CDC42EP1: variants seen among roughly 807,000 people sequenced by gnomAD.
The protein encoded by CDC42EP1 is 55 kDa bone marrow stromal/endothelial cell protein.
CDC42EP1 carries 6 observed loss-of-function variants against 7.4 expected under a neutral mutation model. The ratio of observed to expected loss-of-function variants is 0.81; its 90% CI spans 0.44 to 1.60. The LOEUF (loss-of-function observed/expected upper bound fraction) is 1.60. Among genes scored for constraint, CDC42EP1 ranks in the 40% most tolerant of loss-of-function variants. CDC42EP1 has a pLI of 0.01. For missense variants in CDC42EP1, 567 were observed against 539.0 expected (o/e 1.05, Z -0.51); for synonymous variants, 238 against 227.1 (o/e 1.05, Z -0.43).
At chr22:37,564,847 C>T (rs899173413) in intron 1 of CDC42EP1, among the ~76,000 whole-genome samples, 6 of 151,992 alleles carry the variant, frequency 3.9e-5, no homozygotes, top group Admixed American at 1.3e-4. Context: ...GGCGCAATCT[C>T]GGCTCACTGC....
chr22:37,560,990 G>A (rs1314450683), intron 1 of CDC42EP1, among the ~76,000 whole-genome samples: 3 of 150,508 alleles, frequency 2.0e-5, no homozygotes, highest in Admixed American at 6.6e-5. Context: ...CGGAGAGCGG[G>A]AAGTGGGGGG....
chr22:37,561,783 C>T (rs1411432369), intron 1 of CDC42EP1, among the ~76,000 whole-genome samples: 1 of 152,186 alleles, frequency 6.6e-6, no homozygotes, highest in Non-Finnish European at 1.5e-5. Flanking sequence ...GACGTGGGCC[C>T]CTGGCCAGCA....
rs1925378225 is a variant in CDC42EP1 at position 37,568,861 on chromosome 22, G to C, written c.*41G>C. 13 of 1,364,568 alleles carry C rather than the reference G, an allele frequency of 9.5e-6. No individual in the cohort carries two copies. Among genetic ancestry groups the C allele is most frequent in the Non-Finnish European group, 1.1e-5 (11 of 1,034,604 alleles). 84.5% of individuals were successfully genotyped at this position (1,364,568 alleles called of 1,614,324 possible). On this transcript the variant is annotated 3_prime_UTR_variant, in exon 3 of 3. Coordinates refer to ENST00000249014, the MANE Select transcript of CDC42EP1 (RefSeq NM_152243.3). ...TCCCAGGGCCCCACCTAGGTGCAGA[G>C]CCGGCCCCTCACCTAACAGCTGGTT... is the stretch of plus-strand genomic sequence containing the variant.
intron 1 of CDC42EP1, among the ~76,000 whole-genome samples, chr22:37,561,979 G>C (rs934459693): frequency 6.6e-6 from 1 of 152,198 alleles, no homozygotes; most frequent in Non-Finnish European, 1.5e-5. Context: ...CATGTGCCCA[G>C]GCCCTGACTA....
At chr22:37,565,262 A>G (rs924806171) in intron 1 of CDC42EP1, among the ~76,000 whole-genome samples, 20 of 134,538 alleles carry the variant, frequency 1.5e-4, no homozygotes, top group Admixed American at 8.8e-4. Flanking sequence ...ATCATGGCTC[A>G]TTGCAGCCTT....
intron 1 of CDC42EP1, among the ~76,000 whole-genome samples, chr22:37,563,306 T>C (rs1262053223): frequency 6.6e-6 from 1 of 152,180 alleles, no homozygotes. Flanking sequence ...TGGACAGGTC[T>C]CCCTTCCCTC....
Position 37,566,869 on chromosome 22 carries a change from G to A in CDC42EP1, c.463+57G>A. The A allele has an allele frequency of 1.5e-6, 2 of 1,326,780 alleles. No homozygotes were observed. The highest frequency in any genetic ancestry group is 4.8e-5 in the East Asian group (2 of 41,440). 82.2% of individuals were successfully genotyped at this position (1,326,780 alleles called of 1,614,324 possible). A position where few individuals can be genotyped will look rare whatever the true frequency, so the allele number is the denominator to read the frequency against. On this transcript the variant is annotated intron_variant, in intron 2 of 2. Coordinates refer to ENST00000249014, the MANE Select transcript of CDC42EP1 (RefSeq NM_152243.3). This position sits in a 1 kb window ranked among gnomAD's most constrained non-coding sequence, Gnocchi z 6.4. Reference sequence around the variant, plus strand: ...CAGAGGCTGAGGCTGAGGCCCAGAGGGGTTCAGTGGCTCCTCCAAGCTCCA... The same window carrying A: ...CAGAGGCTGAGGCTGAGGCCCAGAGAGGTTCAGTGGCTCCTCCAAGCTCCA...
intron 1 of CDC42EP1, among the ~76,000 whole-genome samples, chr22:37,562,560 G>C (rs1037430172): frequency 3.9e-5 from 6 of 152,220 alleles, no homozygotes; most frequent in African/African-American, 1.2e-4. Flanking sequence ...GAACTGCCTG[G>C]TGTGCTGTTC....
Position 37,566,213 on chromosome 22 carries a change from G to C in CDC42EP1, c.-137G>C. On this transcript the variant is annotated 5_prime_UTR_variant, in exon 2 of 3. Transcript: ENST00000249014. The surrounding 1 kb of genome is among the most constrained non-coding windows in gnomAD (Gnocchi z 6.4). ...TGAACCCCCCACAGCCTCTGCATTT[G>C]GGGACCTCACCTTAGGAGAGTGCCA... The C allele has an allele frequency of 1.9e-6, 1 of 535,588 alleles. No individual in the cohort carries two copies. Among genetic ancestry groups the C allele is most frequent in the Non-Finnish European group, 3.3e-6 (1 of 307,448 alleles). 33.2% of individuals were successfully genotyped at this position (535,588 alleles called of 1,614,324 possible).
In CDC42EP1 at chr22:37,568,892, C is replaced by A; in HGVS notation, c.*72C>A. ...CCCTCACCTAACAGCTGGTTCCTAC[C>A]AGACCGGAGAGGGGAGAAGTCATGT... On this transcript the variant is annotated 3_prime_UTR_variant, in exon 3 of 3. Transcript: ENST00000249014. 1 of 1,102,378 alleles carries A rather than the reference C, an allele frequency of 9.1e-7. No individual in the cohort carries two copies. The highest frequency in any genetic ancestry group is 1.2e-6 in the Non-Finnish European group (1 of 815,350). 68.3% of individuals were successfully genotyped at this position (1,102,378 alleles called of 1,614,324 possible).
chr22:37,564,801 C>T (rs549817687), intron 1 of CDC42EP1, among the ~76,000 whole-genome samples: 74 of 152,266 alleles, frequency 4.9e-4, no homozygotes, highest in Non-Finnish European at 7.4e-4. Context: ...GTTTGTGAGA[C>T]GGAGTCTCGC....
chr22:37,567,312 C>A (rs60203080), intron 2 of CDC42EP1, among the ~76,000 whole-genome samples: 6,462 of 152,196 alleles, frequency 0.042, 452 homozygotes, highest in African/African-American at 0.14. Flanking sequence ...GGGGCTGATA[C>A]TTAGTAGGTG....
Position 37,568,708 on chromosome 22 carries a change from A to G in CDC42EP1, c.1064A>G (p.Asp355Gly). 1.3e-6 allele frequency: 2 copies of G among 1,536,370 alleles called. No homozygotes were observed. Among genetic ancestry groups the G allele is most frequent in the Non-Finnish European group, 1.8e-6 (2 of 1,141,654 alleles). The change falls in exon 3 of 3, where the codon GAC (aspartate) becomes GGC (glycine). Residue 355 changes from aspartate to glycine, a missense_variant. Coordinates refer to ENST00000249014, the MANE Select transcript of CDC42EP1 (RefSeq NM_152243.3). ...GCCCGGGCCTCCTGGGAGAGCCTGG[A>G]CGAAGAGTGGAGGGCGCCCCAGGCA... Reference protein sequence around the residue: ...PQARASWESLDEEWRAPQAGS... With the variant: ...PQARASWESLGEEWRAPQAGS...
In CDC42EP1 at chr22:37,566,502, G is replaced by A. The variant is rs1217968217; in HGVS notation, c.153G>A (p.Val51=). 6.2e-7 allele frequency: 1 copy of A among 1,612,690 alleles called. No homozygotes were observed. The highest frequency in any genetic ancestry group is 8.5e-7 in the Non-Finnish European group (1 of 1,179,138). ...GGGACTTCCGCCACACCATGCATGT[G>A]GGCCGTGGCGGGGATGTCTTCGGGG... The part of the protein sequence containing the change: ...PLGDFRHTMH[V]GRGGDVFGDT... The change falls in exon 2 of 3, where the codon GTG becomes GTA. Residue 51 remains valine, a synonymous_variant. Transcript: ENST00000249014. The surrounding 1 kb of genome is among the most constrained non-coding windows in gnomAD (Gnocchi z 6.4).
In CDC42EP1 at chr22:37,566,907, G is replaced by C; in HGVS notation, c.463+95G>C. On this transcript the variant is annotated intron_variant, in intron 2 of 2. Transcript: ENST00000249014. This position sits in a 1 kb window ranked among gnomAD's most constrained non-coding sequence, Gnocchi z 6.4. The stretch of plus-strand genomic sequence containing the variant: ...CCTCCAAGCTCCAAGTGAGCTCCAA[G>C]TGACCACAGAGGTCAGGCCCAGACC... The C allele has an allele frequency of 1.1e-6, 1 of 944,210 alleles. No homozygotes were observed. The highest frequency in any genetic ancestry group is 1.6e-6 in the Non-Finnish European group (1 of 639,152). The allele number at this position is 944,210 out of a possible 1,614,324, so 58.5% of individuals were successfully genotyped here.
chr22:37,564,210 A>G (rs1047033098), intron 1 of CDC42EP1, among the ~76,000 whole-genome samples: 1 of 151,862 alleles, frequency 6.6e-6, no homozygotes, highest in South Asian at 2.1e-4. Context: ...AGAACAAGAG[A>G]TGCTTAGAGA....
At chr22:37,561,239 G>A (rs1350311230) in intron 1 of CDC42EP1, among the ~76,000 whole-genome samples, 1 of 152,214 alleles carries the variant, frequency 6.6e-6, no homozygotes, top group Non-Finnish European at 1.5e-5. Flanking sequence ...TTCTGCCTTT[G>A]CCCCAGCAGT....
chr22:37,566,629 G>A lies in CDC42EP1; in HGVS notation c.280G>A (p.Ala94Thr). Residue 94 changes from alanine to threonine, a missense_variant, in exon 2 of 3, where the codon GCG becomes ACG. Physicochemically the swap from Ala to Thr is moderately conservative, Grantham distance 58 (BLOSUM62 0). Transcript: ENST00000249014. This position sits in a 1 kb window ranked among gnomAD's most constrained non-coding sequence, Gnocchi z 6.4. ...GCTGCAGCTGGTGCGGAGGGTGGGG[G>A]CGCCCCCCCGGAGGATGGCATCTCC... is the stretch of plus-strand genomic sequence containing the variant. ...KKLQLVRRVG[A>T]PPRRMASPPA... The A allele has an allele frequency of 1.3e-6, 2 of 1,594,652 alleles. No homozygotes were observed. The highest frequency in any genetic ancestry group is 1.1e-5 in the South Asian group (1 of 88,868).
intron 1 of CDC42EP1, among the ~76,000 whole-genome samples, chr22:37,562,141 C>G (rs1314974331): frequency 6.6e-6 from 1 of 152,218 alleles, no homozygotes; most frequent in Non-Finnish European, 1.5e-5. Context: ...ACTGGGCATC[C>G]AAGCCCTCCA....
Sources: allele counts gnomAD v4.1 joint callset (sites outside exome capture counted in the v4.1 genomes callset), GRCh38; gene constraint gnomAD v4.1.1; non-coding constraint Gnocchi (gnomAD v3.1); transcripts MANE v1.5; gene names NCBI Gene and HGNC (gene_info 2026-07-23, HGNC 2026-07-21).